GIT1: variants seen among roughly 807,000 people sequenced by gnomAD.
GIT1 encodes the protein GIT ArfGAP 1.
GIT1 carries 14 observed loss-of-function variants against 91.7 expected under a neutral mutation model. The ratio of observed to expected loss-of-function variants is 0.15; its 90% CI spans 0.10 to 0.24. GIT1 has a LOEUF of 0.24. GIT1 is among the 10% of genes least tolerant of loss of function. The pLI, the probability that GIT1 is intolerant of heterozygous loss-of-function variation, is 1.00. For synonymous variants in GIT1, 414 were observed against 418.2 expected (o/e 0.99, Z 0.12); for missense variants, 717 against 1,024.9 (o/e 0.70, Z 4.10).
chr17:29,577,054 T>C, intron 11 of GIT1, 58 bp from the exon 12 acceptor site: 1 of 1,607,204 alleles, frequency 6.2e-7, no homozygotes, highest in Non-Finnish European at 8.5e-7. Context: ...ATCTCTCAGG[T>C]CACCACTGGC....
In GIT1 at chr17:29,577,013, G is replaced by C; in HGVS notation, c.1094-17C>G. On this transcript the variant is annotated splice_polypyrimidine_tract_variant and intron_variant, in intron 11 of 19. Coordinates refer to ENST00000225394, the MANE Select transcript of GIT1 (RefSeq NM_014030.4). The stretch of plus-strand genomic sequence containing the variant: ...CGAGGTTGTCTGAGGACACAGGAGT[G>C]TCACTCAGGCCACACTCCACCACAC... 1 of 1,604,360 alleles carries C rather than the reference G, an allele frequency of 6.2e-7. No individual in the cohort carries two copies. The highest frequency in any genetic ancestry group is 8.5e-7 in the Non-Finnish European group (1 of 1,179,818).
At chr17:29,583,435 C>T (rs2033471749) in intron 2 of GIT1, 48 bp downstream of exon 2, 1 of 1,593,892 alleles carries the variant, frequency 6.3e-7, no homozygotes, top group African/African-American at 1.3e-5. Flanking sequence ...TCATGCTCAG[C>T]ACACTCTGCC....
chr17:29,580,685 A>AG (rs1567773083), intron 7 of GIT1, among the ~76,000 whole-genome samples: 1 of 152,194 alleles, frequency 6.6e-6, no homozygotes, highest in Non-Finnish European at 1.5e-5. Flanking sequence ...AGCGAAGAGC[A>AG]GAGGCTTCTC....
chr17:29,575,543 C>G lies in GIT1; in HGVS notation c.1827-73G>C. 1 of 1,557,950 alleles carries G rather than the reference C, an allele frequency of 6.4e-7. No homozygotes were observed. Among genetic ancestry groups the G allele is most frequent in the South Asian group, 1.1e-5 (1 of 87,692 alleles). ...GACACGTTCCAGCCTCGGAGCCGCC[C>G]GCCTTGGTCCTCACACACTGGGGGC... On this transcript the variant is annotated intron_variant, in intron 17 of 19. Transcript: ENST00000225394. This position sits in a 1 kb window ranked among gnomAD's most constrained non-coding sequence, Gnocchi z 5.5.
chr17:29,575,051 C>T lies in GIT1; in HGVS notation c.2073+28G>A, dbSNP rs371798906. ...CCTGCCCCAGCTCGAGGCCCTCCCA[C>T]TCCTGGTCCTCTCTTTGGCCCCTGT... On this transcript the variant is annotated intron_variant, in intron 19 of 19. Transcript: ENST00000225394. This position sits in a 1 kb window ranked among gnomAD's most constrained non-coding sequence, Gnocchi z 5.5. 8 of 1,555,468 alleles carry T rather than the reference C, an allele frequency of 5.1e-6. No individual in the cohort carries two copies. Among genetic ancestry groups the T allele is most frequent in the African/African-American group, 4.1e-5 (3 of 73,346 alleles).
chr17:29,576,348 G>C lies in GIT1; in HGVS notation c.1483C>G (p.Pro495Ala). ...SERAEHTPMA[P>A]GGSTHRRDRQ... ...TCCCTGCGGTGTGTGCTCCCGCCTG[G>C]CGCCATGGGTGTGTGTTCCGCCCGT... is the stretch of plus-strand genomic sequence containing the variant. The change falls in exon 14 of 20, where the codon CCA becomes GCA. Residue 495 changes from proline to alanine, a missense_variant. By Grantham distance (27) the Pro-to-Ala change is conservative. This residue lies in a region of GIT1 where 312 missense variants were observed against 349.5 expected (regional missense o/e 0.89). Coordinates refer to ENST00000225394, the MANE Select transcript of GIT1 (RefSeq NM_014030.4). The C allele has an allele frequency of 2.5e-6, 4 of 1,613,376 alleles. No individual in the cohort carries two copies. Among genetic ancestry groups the C allele is most frequent in the Non-Finnish European group, 3.4e-6 (4 of 1,179,960 alleles).
In GIT1 at chr17:29,575,578, C is replaced by G; in HGVS notation, c.1826+52G>C. On this transcript the variant is annotated intron_variant, in intron 17 of 19. Coordinates refer to ENST00000225394, the MANE Select transcript of GIT1 (RefSeq NM_014030.4). This position sits in a 1 kb window ranked among gnomAD's most constrained non-coding sequence, Gnocchi z 5.5. Reference sequence around the variant, plus strand: ...CTCACACACTGGGGGCCCTCTCAACCTCCCCGCCTCGGCATGTGAGCAGGC... The same window carrying G: ...CTCACACACTGGGGGCCCTCTCAACGTCCCCGCCTCGGCATGTGAGCAGGC... 6.3e-7 allele frequency: 1 copy of G among 1,582,914 alleles called. No homozygotes were observed. Among genetic ancestry groups the G allele is most frequent in the Non-Finnish European group, 8.6e-7 (1 of 1,158,758 alleles).
At chr17:29,577,582 C>T (rs2033257223) in intron 10 of GIT1, 63 bp downstream of exon 10, 11 of 1,076,004 alleles carry the variant, frequency 1.0e-5, no homozygotes, top group South Asian at 5.0e-5. Flanking sequence ...AGCCCACTGC[C>T]GGATGAGGAG....
At chr17:29,583,080 CT>C in intron 2 of GIT1, 43 bp from the exon 3 acceptor site, 7 of 1,271,458 alleles carry the variant, frequency 5.5e-6, no homozygotes, top group South Asian at 1.2e-5. Flanking sequence ...CCACTGCGTG[CT>C]AAGCAATGGG....
chr17:29,583,287 G>C (rs1300117065), intron 2 of GIT1, among the ~76,000 whole-genome samples, 196 bp downstream of exon 2: 1 of 152,208 alleles, frequency 6.6e-6, no homozygotes, highest in African/African-American at 2.4e-5. Context: ...TGGCAGAGCA[G>C]GGGTGTGAGC....
chr17:29,589,059 C>T lies in GIT1; in HGVS notation c.52+268G>A, dbSNP rs1432622702. Among the ~76,000 whole-genome samples, 2 of 152,200 alleles carry T rather than the reference C, an allele frequency of 1.3e-5. No individual in the cohort carries two copies. The highest frequency in any genetic ancestry group is 2.4e-5 in the African/African-American group (1 of 41,466). Reference sequence around the variant, plus strand: ...ATGGAGGTGGAGGAGCAGCCAGCTGCCCGCCTCCCTCAGACCGAGGAGCGG... The same window carrying T: ...ATGGAGGTGGAGGAGCAGCCAGCTGTCCGCCTCCCTCAGACCGAGGAGCGG... On this transcript the variant is annotated intron_variant, in intron 1 of 19. Transcript: ENST00000225394. The surrounding 1 kb of genome is among the most constrained non-coding windows in gnomAD (Gnocchi z 5.2).
chr17:29,580,880 A>C (rs908427404), intron 7 of GIT1, among the ~76,000 whole-genome samples: 15 of 151,512 alleles, frequency 9.9e-5, no homozygotes, highest in Non-Finnish European at 4.4e-5. Flanking sequence ...TCCTGTGTTC[A>C]AGCGATTCTC....
chr17:29,578,923 C>G, intron 7 of GIT1, 144 bp from the exon 8 acceptor site: 1 of 1,608,740 alleles, frequency 6.2e-7, no homozygotes, highest in Non-Finnish European at 8.5e-7. Context: ...CCCGCCCTAC[C>G]CCACCTTCAG....
In GIT1 at chr17:29,575,212, G is replaced by A; in HGVS notation, c.2010-70C>T. On this transcript the variant is annotated intron_variant, in intron 18 of 19. Transcript: ENST00000225394. The surrounding 1 kb of genome is among the most constrained non-coding windows in gnomAD (Gnocchi z 5.5). ...GGTTCCCAGGGACAGCAGAACCCAG[G>A]GCCCCTCATGCTCTCTGCAACACCC... 3 of 1,553,216 alleles carry A rather than the reference G, an allele frequency of 1.9e-6. No homozygotes were observed. The highest frequency in any genetic ancestry group is 2.4e-5 in the South Asian group (2 of 84,966).
rs1464543494 is a variant in GIT1, at chr17:29,583,550, C to T, written c.119G>A (p.Ser40Asn). ...VCDECCSVHR[S>N]LGRHISIVKH... ...GACAATGGAGATGTGGCGTCCCAGG[C>T]TCCGGTGCACGCTGCAGCACTCGTC... The change falls in exon 2 of 20, where the codon AGC becomes AAC. Residue 40 changes from serine (S) to asparagine (N), a missense_variant. By Grantham distance (46) the Ser-to-Asn change is conservative (BLOSUM62 1). Coordinates refer to ENST00000225394, the MANE Select transcript of GIT1 (RefSeq NM_014030.4). 6.2e-7 allele frequency: 1 copy of T among 1,611,646 alleles called. No homozygotes were observed. Among genetic ancestry groups the T allele is most frequent in the Non-Finnish European group, 8.5e-7 (1 of 1,179,716 alleles).
rs2033416608 is a variant in GIT1 at position 29,582,056 on chromosome 17, T to C, written c.494A>G (p.Glu165Gly). Residue 165 changes from glutamate to glycine, a missense_variant, in exon 5 of 20, where the codon GAG becomes GGG. Coordinates refer to ENST00000225394, the MANE Select transcript of GIT1 (RefSeq NM_014030.4). ...CACGTGCAGAGGTGTGGTGCCCTTC[T>C]CTGGGTGGAAGAAGTTGGCCTGGGC... Reference protein sequence around the residue: ...LGAQANFFHPEKGTTPLHVAA... With the variant: ...LGAQANFFHPGKGTTPLHVAA... The C allele has an allele frequency of 6.2e-7, 1 of 1,610,564 alleles. No homozygotes were observed. The highest frequency in any genetic ancestry group is 8.5e-7 in the Non-Finnish European group (1 of 1,179,966).
intron 1 of GIT1, among the ~76,000 whole-genome samples, chr17:29,588,955 G>GC (rs751274070): frequency 5.4e-4 from 82 of 152,276 alleles, no homozygotes; most frequent in South Asian, 1.7e-3. Context: ...AACCACACTC[G>GC]CCCCCACCTC....
chr17:29,587,984 A>G (rs1311842167), intron 1 of GIT1, among the ~76,000 whole-genome samples: 1 of 152,136 alleles, frequency 6.6e-6, no homozygotes, highest in Non-Finnish European at 1.5e-5. Context: ...CCTCAACCCC[A>G]GGGCCCTCTA....
intron 1 of GIT1, chr17:29,583,872 T>C: frequency 2.1e-6 from 1 of 475,658 alleles, no homozygotes; most frequent in Middle Eastern, 5.5e-4. Context: ...CCAGGGCCCA[T>C]TCAGCAGGCA....
Sources: allele counts gnomAD v4.1 joint callset (sites outside exome capture counted in the v4.1 genomes callset), GRCh38; gene constraint gnomAD v4.1.1; regional missense constraint gnomAD v4.1.1; non-coding constraint Gnocchi (gnomAD v3.1); transcripts MANE v1.5; gene names NCBI Gene and HGNC (gene_info 2026-07-23, HGNC 2026-07-21).